RPF2: variants seen among roughly 807,000 people sequenced by gnomAD.
The protein encoded by RPF2 is ribosome production factor 2 homolog.
RPF2 carries 21 observed loss-of-function variants against 38.9 expected under a neutral mutation model. The ratio of observed to expected loss-of-function variants is 0.54; its 90% CI spans 0.38 to 0.78. The LOEUF is 0.78. Ranked by LOEUF, RPF2 falls within the 30% of genes least tolerant of loss-of-function variation. The pLI is 0.00. For synonymous variants in RPF2, 121 were observed against 126.2 expected, an observed-to-expected ratio of 0.96 and a Z score of 0.28; for missense variants, 314 against 358.1, an observed-to-expected ratio of 0.88 and a Z score of 0.99.
At chr6:111,003,081 C>T (rs997055053) in intron 6 of RPF2, among the ~76,000 whole-genome samples, 6 of 104,018 alleles carry the variant, frequency 5.8e-5, no homozygotes, top group Non-Finnish European at 8.2e-5. Context: ...CATTTTTTAC[C>T]CCCCCCCCTT....
chr6:110,997,700 A>G (rs1771740852), intron 5 of RPF2, among the ~76,000 whole-genome samples: 1 of 151,890 alleles, frequency 6.6e-6, no homozygotes, highest in Non-Finnish European at 1.5e-5. Flanking sequence ...TGGGTGACAG[A>G]GTGAGACCTT....
At position 111,008,150 on chromosome 6, in the gene RPF2, G is replaced by GCTGTC; in HGVS notation, c.493+13_493+14insCTGTC. On this transcript the variant is annotated intron_variant, in intron 7 of 9. Transcript: ENST00000441448. The stretch of plus-strand genomic sequence containing the variant: ...AGTCTTCTTATTGGTAAGTATTTTA[G>GCTGTC]TATTTATTATCTTCAGGGTAGCTCA... The GCTGTC allele has an allele frequency of 6.3e-7, 1 of 1,583,720 alleles. No homozygotes were observed. Among genetic ancestry groups the GCTGTC allele is most frequent in the African/African-American group, 1.4e-5 (1 of 73,444 alleles).
At chr6:111,015,692 T>C (rs1360220347) in intron 7 of RPF2, 62 bp from the exon 8 acceptor site, 1 of 1,168,730 alleles carries the variant, frequency 8.6e-7, no homozygotes, top group Non-Finnish European at 1.3e-6. Context: ...AGTGCAGTTC[T>C]TTGTAACTGA....
chr6:111,024,048 T>G, intron 8 of RPF2, 135 bp from the exon 9 acceptor site: 2 of 711,924 alleles, frequency 2.8e-6, no homozygotes, highest in South Asian at 4.8e-5. Flanking sequence ...TTGAATAGTA[T>G]TAAGTATTTA....
chr6:110,992,267 G>A (rs970842664), intron 4 of RPF2, among the ~76,000 whole-genome samples: 1 of 152,032 alleles, frequency 6.6e-6, no homozygotes, highest in East Asian at 1.9e-4. Flanking sequence ...CCGAGATCAC[G>A]CCATTGCACT....
chr6:111,009,840 A>G (rs1005085748), intron 7 of RPF2, among the ~76,000 whole-genome samples: 3 of 151,714 alleles, frequency 2.0e-5, no homozygotes, highest in African/African-American at 7.3e-5. Context: ...TGCCTGGCTA[A>G]TTTTTAAAAT....
intron 8 of RPF2, among the ~76,000 whole-genome samples, chr6:111,020,867 A>G (rs1000266863): frequency 3.3e-5 from 5 of 149,594 alleles, no homozygotes; most frequent in African/African-American, 1.2e-4. Flanking sequence ...GAGAAAAAAA[A>G]GAATAAACTA....
chr6:111,025,585 G>GAACTT lies in RPF2; in HGVS notation c.*5_*9dup. 7.5e-6 allele frequency: 12 copies of GAACTT among 1,598,136 alleles called. No homozygotes were observed. Among genetic ancestry groups the GAACTT allele is most frequent in the Non-Finnish European group, 9.4e-6 (11 of 1,174,312 alleles). On this transcript the variant is annotated 3_prime_UTR_variant, in exon 10 of 10. Coordinates refer to ENST00000441448, the MANE Select transcript of RPF2 (RefSeq NM_032194.3). ...CAAAAAGAATTAAAAAAAATTGATGGAACTTAGCCAGCCACTACTGTTTCA... is the reference window on the plus strand; with the variant it reads ...CAAAAAGAATTAAAAAAAATTGATGGAACTTAACTTAGCCAGCCACTACTGTTTCA...
intron 5 of RPF2, among the ~76,000 whole-genome samples, chr6:110,998,318 A>G (rs1771755023): frequency 1.3e-5 from 2 of 152,160 alleles, no homozygotes; most frequent in Non-Finnish European, 2.9e-5. Flanking sequence ...GCTCATTTGA[A>G]GCATAGAGCA....
At chr6:110,990,747 A>G (rs1771606895) in intron 3 of RPF2, among the ~76,000 whole-genome samples, 1 of 151,620 alleles carries the variant, frequency 6.6e-6, no homozygotes, top group Non-Finnish European at 1.5e-5. Flanking sequence ...TAATTTTTGT[A>G]TTTTTAGTAG....
chr6:110,989,465 T>G (rs1259926387), intron 3 of RPF2, among the ~76,000 whole-genome samples: 1 of 152,166 alleles, frequency 6.6e-6, no homozygotes, highest in Non-Finnish European at 1.5e-5. Flanking sequence ...TCTTTTTTCC[T>G]TCTTTTGAGA....
At chr6:110,983,320 C>T (rs1458628530) in intron 1 of RPF2, among the ~76,000 whole-genome samples, 1 of 151,626 alleles carries the variant, frequency 6.6e-6, no homozygotes, top group Non-Finnish European at 1.5e-5. Flanking sequence ...GGTAATTGGT[C>T]TAGACGAATT....
chr6:111,004,687 T>G (rs1771878903), intron 6 of RPF2, among the ~76,000 whole-genome samples: 1 of 151,856 alleles, frequency 6.6e-6, no homozygotes, highest in Non-Finnish European at 1.5e-5. Context: ...CAAGCAATTC[T>G]CTTGCCTCAG....
rs1554250308 is a variant in RPF2, at chr6:111,016,610, A to AAC, written c.596+755_596+756insCA. 3.8e-4 allele frequency among the ~76,000 whole-genome samples: 58 copies of AAC among 151,122 alleles called. 1 individual carries two copies. Among genetic ancestry groups the AAC allele is most frequent in the Middle Eastern group, 3.4e-3 (1 of 294 alleles). On this transcript the variant is annotated intron_variant, in intron 8 of 9. Coordinates refer to ENST00000441448, the MANE Select transcript of RPF2 (RefSeq NM_032194.3). ...AGGGCGCTGAAAAAACAAAAAACAAAAAACTCTTAAGCAGATTCTATGTTT... is the reference window on the plus strand; with the variant it reads ...AGGGCGCTGAAAAAACAAAAAACAAAACAAACTCTTAAGCAGATTCTATGTTT...
intron 7 of RPF2, among the ~76,000 whole-genome samples, chr6:111,013,934 C>T (rs1019033957): frequency 1.3e-5 from 2 of 151,940 alleles, no homozygotes; most frequent in South Asian, 2.1e-4. Context: ...TCTAGGAGTT[C>T]GAAACCAGCC....
chr6:111,015,684 T>C (rs1046932844), intron 7 of RPF2, 70 bp from the exon 8 acceptor site: 1 of 1,031,842 alleles, frequency 9.7e-7, no homozygotes, highest in African/African-American at 1.6e-5. Context: ...CTGTTTAGAG[T>C]GCAGTTCTTT....
intron 2 of RPF2, among the ~76,000 whole-genome samples, chr6:110,987,569 T>C (rs1203999818): frequency 6.6e-6 from 1 of 152,132 alleles, no homozygotes. Flanking sequence ...ATATTACAGA[T>C]TACTACAATA....
intron 3 of RPF2, among the ~76,000 whole-genome samples, chr6:110,990,565 C>A (rs999860214): frequency 4.6e-5 from 6 of 130,454 alleles, no homozygotes; most frequent in African/African-American, 8.6e-5. Context: ...GGGAACCCCC[C>A]CCCCCCCCAC....
intron 8 of RPF2, among the ~76,000 whole-genome samples, chr6:111,016,078 G>A (rs1255669519): frequency 2.0e-5 from 3 of 152,132 alleles, no homozygotes; most frequent in Non-Finnish European, 4.4e-5. Flanking sequence ...CACTGTCGCT[G>A]AGCCAGGTGC....
Sources: allele counts gnomAD v4.1 joint callset (sites outside exome capture counted in the v4.1 genomes callset), GRCh38; gene constraint gnomAD v4.1.1; transcripts MANE v1.5; gene names NCBI Gene and HGNC (gene_info 2026-07-23, HGNC 2026-07-21).